HOXC5: variants seen among roughly 807,000 people sequenced by gnomAD.
The protein encoded by HOXC5 is homeobox protein Hox-C5.
HOXC5 carries 19 observed loss-of-function variants against 20.1 expected under a neutral mutation model. The observed-to-expected ratio is 0.94, with a 90% confidence interval of 0.66 to 1.38. The LOEUF (loss-of-function observed/expected upper bound fraction) is 1.38, where lower values mean the gene tolerates loss of function less well. Ranked by LOEUF, HOXC5 falls within the 40% of genes most tolerant of loss-of-function variation. The pLI, the probability that HOXC5 is intolerant of heterozygous loss-of-function variation, is 0.00. For synonymous variants in HOXC5, 124 were observed against 117.0 expected (o/e 1.06, Z -0.39); for missense variants, 330 against 300.1 (o/e 1.10, Z -0.74).
chr12:54,023,185 C>G, the HOXC5 span, among the ~76,000 whole-genome samples: 1 of 152,160 alleles, frequency 6.6e-6, no homozygotes, highest in African/African-American at 2.4e-5. Context: ...GGCTTGGGCA[C>G]CAGCCCCCAA....
chr12:54,032,122 A>G (rs1357662956), upstream of HOXC5, among the ~76,000 whole-genome samples: 1 of 152,250 alleles, frequency 6.6e-6, no homozygotes, highest in Non-Finnish European at 1.5e-5. Context: ...GAAACAGAGC[A>G]GTCCTCTAGA....
rs562892159 is a variant in HOXC5 at position 54,033,634 on chromosome 12, C to T, written c.454+58C>T. 24 of 1,367,412 alleles carry T rather than the reference C, an allele frequency of 1.8e-5. No individual in the cohort carries two copies. The East Asian group carries it at 4.5e-4, about 26-fold the overall frequency. The allele number at this position is 1,367,412 out of a possible 1,614,324, so 84.7% of individuals were successfully genotyped here. On this transcript the variant is annotated intron_variant, in intron 1 of 1. Coordinates refer to ENST00000312492, the MANE Select transcript of HOXC5 (RefSeq NM_018953.4). Reference sequence around the variant, plus strand: ...GTCCGCCTGGGTTTTATAGGCCATGCGGGGCAAATAAAGAAAAAAAACCTG... The same window carrying T: ...GTCCGCCTGGGTTTTATAGGCCATGTGGGGCAAATAAAGAAAAAAAACCTG...
At chr12:54,028,797 A>G, upstream of HOXC5, 1 of 1,614,174 alleles carries the variant, frequency 6.2e-7, no homozygotes, top group Non-Finnish European at 8.5e-7. Context: ...AAAACACCTT[A>G]GGACATAACA....
chr12:54,033,693 C>A, intron 1 of HOXC5, 117 bp downstream of exon 1: 1 of 861,656 alleles, frequency 1.2e-6, no homozygotes, highest in Non-Finnish European at 1.7e-6. Flanking sequence ...GCATCAATGG[C>A]TCGTAAAACT....
At position 54,034,528 on chromosome 12, in the gene HOXC5, C is replaced by G. The variant is rs1482088208; in HGVS notation, c.*36C>G. On this transcript the variant is annotated 3_prime_UTR_variant, in exon 2 of 2. Transcript: ENST00000312492. ...GGAGGCCCGCAGAGCGCGCCCCTAGCCGGTTCCTGTCCCTGCGCCTTTCCT... is the reference window on the plus strand; with the variant it reads ...GGAGGCCCGCAGAGCGCGCCCCTAGGCGGTTCCTGTCCCTGCGCCTTTCCT... 5 of 1,550,844 alleles carry G rather than the reference C, an allele frequency of 3.2e-6. No homozygotes were observed. In the South Asian group the frequency reaches 4.5e-5, roughly 14 times the overall value.
At chr12:54,032,924 C>G (rs927427169), upstream of HOXC5, 1 of 538,478 alleles carries the variant, frequency 1.9e-6, no homozygotes, top group Admixed American at 3.4e-5. Context: ...GGTCATCAAG[C>G]CAAATTTATG....
chr12:54,026,607 T>G, the HOXC5 span, among the ~76,000 whole-genome samples: 1 of 152,192 alleles, frequency 6.6e-6, no homozygotes, highest in African/African-American at 2.4e-5. Context: ...TTTCTGTCCT[T>G]TCTGGAGGAT....
rs766646903 is a variant in HOXC5, at chr12:54,034,269, A to G, written c.455-9A>G. The stretch of plus-strand genomic sequence containing the variant: ...CCCTTCCTGGCTTGGGGTGGGGTTT[A>G]TGTTCCAGAGACGGACGGCAAGCGG... On this transcript the variant is annotated splice_polypyrimidine_tract_variant and intron_variant, in intron 1 of 1. Coordinates refer to ENST00000312492, the MANE Select transcript of HOXC5 (RefSeq NM_018953.4). 1.8e-5 allele frequency: 29 copies of G among 1,611,890 alleles called. No homozygotes were observed. Among genetic ancestry groups the G allele is most frequent in the Non-Finnish European group, 2.5e-5 (29 of 1,179,274 alleles).
At chr12:54,028,470 G>A, upstream of HOXC5, 2 of 1,565,026 alleles carry the variant, frequency 1.3e-6, no homozygotes, top group East Asian at 2.2e-5. Context: ...ACAAACTGGA[G>A]ACAGAAATAA....
chr12:54,024,100 A>C, the HOXC5 span, among the ~76,000 whole-genome samples: 2 of 152,208 alleles, frequency 1.3e-5, no homozygotes, highest in Non-Finnish European at 2.9e-5. Flanking sequence ...GCCTTAACCA[A>C]ATAGTGTGAT....
chr12:54,021,144 G>A, the HOXC5 span: 1 of 152,552 alleles, frequency 6.6e-6, no homozygotes, highest in Non-Finnish European at 1.5e-5. Context: ...GAAAAGGCAA[G>A]CCAAAAGGGG....
chr12:54,028,649 C>T (rs763026260), upstream of HOXC5: 8 of 1,614,140 alleles, frequency 5.0e-6, no homozygotes, highest in Middle Eastern at 3.3e-4. Flanking sequence ...TATGGAGCGG[C>T]CGTTGCCCAG....
upstream of HOXC5, chr12:54,028,981 T>C (rs1940858710): frequency 6.7e-7 from 1 of 1,497,602 alleles, no homozygotes; most frequent in East Asian, 2.3e-5. Flanking sequence ...ATGACCGGCT[T>C]CCCTAGAAGA....
chr12:54,020,451 T>C, the HOXC5 span: 1 of 152,206 alleles, frequency 6.6e-6, no homozygotes, highest in Admixed American at 6.5e-5. Flanking sequence ...GGTCTGACAG[T>C]TGTGATCCCG....
At chr12:54,024,411 A>G in the HOXC5 span, among the ~76,000 whole-genome samples, 1 of 152,178 alleles carries the variant, frequency 6.6e-6, no homozygotes, top group South Asian at 2.1e-4. Context: ...GAGTATGTGT[A>G]TCTGTGTGCG....
the HOXC5 span, chr12:54,020,135 G>A: frequency 1.3e-5 from 2 of 152,244 alleles, no homozygotes; most frequent in Non-Finnish European, 2.9e-5. Flanking sequence ...CTCCTTGCAG[G>A]CCACATTCCC....
upstream of HOXC5, among the ~76,000 whole-genome samples, chr12:54,031,793 T>G (rs1015744791): frequency 6.6e-6 from 1 of 152,148 alleles, no homozygotes; most frequent in African/African-American, 2.4e-5. Flanking sequence ...GACTTGGGGC[T>G]ACGGGGGAAG....
At chr12:54,027,175 C>T in the HOXC5 span, among the ~76,000 whole-genome samples, 1 of 152,244 alleles carries the variant, frequency 6.6e-6, no homozygotes, top group African/African-American at 2.4e-5. Flanking sequence ...TCGTAACCGT[C>T]TCTTCCCTTT....
chr12:54,033,220 T>G lies in HOXC5; in HGVS notation c.98T>G (p.Val33Gly). Residue 33 changes from valine (V) to glycine (G), a missense_variant, in exon 1 of 2, where the codon GTG becomes GGG. Val to Gly is a moderately radical substitution (Grantham distance 109, BLOSUM62 -3). Coordinates refer to ENST00000312492, the MANE Select transcript of HOXC5 (RefSeq NM_018953.4). ...TCGNYGSASE[V>G]QASRYCYGGL... ...GGGAACTATGGATCGGCCTCAGAGG[T>G]GCAGGCATCCAGGTACTGCTACGGC... 6.2e-7 allele frequency: 1 copy of G among 1,614,070 alleles called. No individual in the cohort carries two copies. The highest frequency in any genetic ancestry group is 8.5e-7 in the Non-Finnish European group (1 of 1,180,010).
Sources: gnomAD v4.1 joint callset for allele counts (sites outside exome capture counted in the v4.1 genomes callset) on GRCh38, gnomAD v4.1.1 for gene constraint, MANE v1.5 for transcripts, NCBI Gene and HGNC (gene_info 2026-07-23, HGNC 2026-07-21) for gene names.